Variants in PPP4R3B observed in about 807,000 individuals in gnomAD.
PPP4R3B encodes the protein serine/threonine-protein phosphatase 4 regulatory subunit 3B.
Under a neutral mutation model 95.4 loss-of-function variants are expected in PPP4R3B, and 52 were observed. The ratio of observed to expected loss-of-function variants is 0.54; its 90% confidence interval spans 0.44 to 0.69. The LOEUF is 0.69. Among genes scored for constraint, PPP4R3B ranks in the 30% least tolerant of loss-of-function variants. The pLI, the probability that PPP4R3B is intolerant of heterozygous loss-of-function variation, is 0.00. For missense variants in PPP4R3B, 1,003 were observed against 1,005.9 expected, an observed-to-expected ratio of 1.00 and a Z score of 0.04; for synonymous variants, 407 against 343.9, an observed-to-expected ratio of 1.18 and a Z score of -2.03.
chr2:55,553,824 TG>T (rs1685527617), intron 16 of PPP4R3B, among the ~76,000 whole-genome samples: 1 of 152,248 alleles, frequency 6.6e-6, no homozygotes, highest in African/African-American at 2.4e-5. Context: ...TGTATGAATA[TG>T]CTACATTTTG....
At position 55,617,169 on chromosome 2, in the gene PPP4R3B, C is replaced by T. The variant is rs573813045; in HGVS notation, c.117G>A (p.Ser39=). ...STYVEELKGM[S]LLVRAESDGS... ...CGTCGGACTCTGCCCGAACCAGCAG[C>T]GACATCCCCTTGAGCTCCTCCACGT... The change falls in exon 1 of 17, where the codon TCG becomes TCA. Residue 39 remains serine (S), a synonymous_variant. Transcript: ENST00000616407. 59 of 1,613,130 alleles carry T rather than the reference C, an allele frequency of 3.7e-5. No individual in the cohort carries two copies. The highest frequency in any genetic ancestry group is 5.0e-5 in the Non-Finnish European group (59 of 1,179,676).
intron 13 of PPP4R3B, among the ~76,000 whole-genome samples, chr2:55,565,428 A>C (rs1270732137): frequency 3.3e-5 from 5 of 151,992 alleles, no homozygotes; most frequent in African/African-American, 1.2e-4. Flanking sequence ...TTAGAGAAAA[A>C]CCAAAATTGA....
chr2:55,579,820 G>A, intron 8 of PPP4R3B, 39 bp from the exon 9 acceptor site: 3 of 1,335,948 alleles, frequency 2.2e-6, no homozygotes, highest in Non-Finnish European at 3.1e-6. Flanking sequence ...TGTTACTTAT[G>A]TAAATAAAAA....
chr2:55,582,218 T>A (rs975436601), intron 7 of PPP4R3B, among the ~76,000 whole-genome samples: 14 of 152,190 alleles, frequency 9.2e-5, no homozygotes, highest in Non-Finnish European at 1.9e-4. Flanking sequence ...TATATAACAA[T>A]CTAATATTAA....
chr2:55,584,937 T>A (rs7594279), intron 7 of PPP4R3B, 114 bp downstream of exon 7: 1 of 834,936 alleles, frequency 1.2e-6, no homozygotes, highest in Non-Finnish European at 1.8e-6. Flanking sequence ...GTCAGAAATC[T>A]ATTATTTTGC....
intron 2 of PPP4R3B, 56 bp from the exon 3 acceptor site, chr2:55,604,132 G>T: frequency 2.2e-6 from 3 of 1,364,672 alleles, no homozygotes; most frequent in Non-Finnish European, 3.0e-6. Context: ...TATCTACAAA[G>T]TACAAATAGA....
chr2:55,616,088 T>C (rs1463337626), intron 1 of PPP4R3B, among the ~76,000 whole-genome samples: 1 of 151,936 alleles, frequency 6.6e-6, no homozygotes, highest in Non-Finnish European at 1.5e-5. Context: ...ATGAGGAGAC[T>C]AGATGACTAT....
At chr2:55,591,746 A>C in intron 4 of PPP4R3B, 1 of 736,758 alleles carries the variant, frequency 1.4e-6, no homozygotes, top group African/African-American at 1.9e-5. Flanking sequence ...CAGTCCATTA[A>C]GAGAATATGT....
intron 4 of PPP4R3B, among the ~76,000 whole-genome samples, chr2:55,597,493 G>A (rs1691960977): frequency 6.6e-6 from 1 of 152,238 alleles, no homozygotes; most frequent in Non-Finnish European, 1.5e-5. Flanking sequence ...GTGATGGCGG[G>A]CGCCTGTAGT....
At chr2:55,574,064 T>C (rs1003317996) in intron 11 of PPP4R3B, among the ~76,000 whole-genome samples, 5 of 151,586 alleles carry the variant, frequency 3.3e-5, no homozygotes, top group African/African-American at 1.2e-4. Context: ...ATTTTTTTTT[T>C]CAAGTTTTTG....
At chr2:55,603,907 G>T in intron 3 of PPP4R3B, 71 bp downstream of exon 3, 2 of 1,061,732 alleles carry the variant, frequency 1.9e-6, no homozygotes, top group Non-Finnish European at 2.7e-6. Context: ...TAATATGTTT[G>T]AAGTAAAAAG....
chr2:55,610,824 T>G (rs1694060319), intron 2 of PPP4R3B, among the ~76,000 whole-genome samples: 1 of 152,126 alleles, frequency 6.6e-6, no homozygotes, highest in African/African-American at 2.4e-5. Context: ...TTAAACCCAA[T>G]TAACACACAA....
chr2:55,603,830 C>T (rs1280367955), intron 3 of PPP4R3B, 148 bp downstream of exon 3: 11 of 503,674 alleles, frequency 2.2e-5, no homozygotes, highest in East Asian at 3.2e-5. Context: ...AATAATTTGC[C>T]GTAGAATATA....
intron 3 of PPP4R3B, among the ~76,000 whole-genome samples, chr2:55,602,310 TG>T (rs1299952493): frequency 6.6e-6 from 1 of 152,190 alleles, no homozygotes; most frequent in Non-Finnish European, 1.5e-5. Context: ...ATCATTTTGG[TG>T]TAAGAGAGTC....
Position 55,615,515 on chromosome 2 carries a change from T to TA in PPP4R3B, c.143-10dup, listed in dbSNP as rs1216863045. 1.8e-5 allele frequency: 28 copies of TA among 1,541,362 alleles called. No homozygotes were observed. Among genetic ancestry groups the TA allele is most frequent in the East Asian group, 1.1e-4 (5 of 44,222 alleles). On this transcript the variant is annotated splice_polypyrimidine_tract_variant and intron_variant, in intron 1 of 16. Transcript: ENST00000616407. ...TTCCAAGAGTAGTGATCCTGAAAGATAAAAAATAATACATCATAAGTCTCA... is the reference window on the plus strand; with the variant it reads ...TTCCAAGAGTAGTGATCCTGAAAGATAAAAAAATAATACATCATAAGTCTCA...
chr2:55,559,803 A>C (rs374004105), intron 15 of PPP4R3B, among the ~76,000 whole-genome samples: 37 of 152,340 alleles, frequency 2.4e-4, no homozygotes, highest in African/African-American at 8.4e-4. Flanking sequence ...AAAATTGGTA[A>C]CAGGAATGTG....
chr2:55,568,570 G>A (rs943645325), intron 12 of PPP4R3B, among the ~76,000 whole-genome samples: 1 of 152,128 alleles, frequency 6.6e-6, no homozygotes, highest in African/African-American at 2.4e-5. Context: ...GCAGAGGATC[G>A]CTCAAAACCT....
At chr2:55,559,346 C>CA (rs551843601) in intron 15 of PPP4R3B, among the ~76,000 whole-genome samples, 150 of 150,658 alleles carry the variant, frequency 1.0e-3, no homozygotes, top group Non-Finnish European at 1.7e-3. Flanking sequence ...AACTCCGTCT[C>CA]AAAAAAAACC....
In PPP4R3B at chr2:55,599,007, T is replaced by C. The variant is rs1692196562; in HGVS notation, c.330A>G (p.Thr110=). The C allele has an allele frequency of 6.2e-7, 1 of 1,613,716 alleles. No homozygotes were observed. Among genetic ancestry groups the C allele is most frequent in the African/African-American group, 1.3e-5 (1 of 74,926 alleles). Residue 110 remains threonine, a synonymous_variant, in exon 4 of 17, where the codon ACA becomes ACG. Transcript: ENST00000616407. ...CTTCAGATTCATCAATGAGGTCCTG[T>C]GTGACTTCCACTGATGGGTCTTTAC... The part of the protein sequence containing the change: ...VQGKDPSVEV[T]QDLIDESEEE...
Sources: allele counts gnomAD v4.1 joint callset (sites outside exome capture counted in the v4.1 genomes callset), GRCh38; gene constraint gnomAD v4.1.1; transcripts MANE v1.5; gene names NCBI Gene and HGNC (gene_info 2026-07-23, HGNC 2026-07-21).